Variants in MCTP2 observed in about 807,000 individuals in gnomAD.
The protein encoded by MCTP2 is multiple C2 and transmembrane domain containing 2, also known as multiple C2 and transmembrane domain-containing protein 2.
In MCTP2, 132 loss-of-function variants were observed where a neutral mutation model predicts 111.6. That is an observed-to-expected ratio of 1.18 (90% CI 1.03 to 1.37). The LOEUF is 1.37. MCTP2 is among the 40% of genes most tolerant of loss of function. The pLI is 0.00. For missense variants in MCTP2, 1,183 were observed against 1,067.9 expected, an observed-to-expected ratio of 1.11 and a Z score of -1.50; for synonymous variants, 395 against 387.7, an observed-to-expected ratio of 1.02 and a Z score of -0.22.
intron 2 of MCTP2, among the ~76,000 whole-genome samples, chr15:94,301,646 G>A (rs1347895697): frequency 6.6e-6 from 1 of 152,128 alleles, no homozygotes; most frequent in Non-Finnish European, 1.5e-5. Context: ...TGTGCATTCA[G>A]GTTACTTGGG....
intron 4 of MCTP2, among the ~76,000 whole-genome samples, chr15:94,336,567 G>A (rs770366267): frequency 4.6e-5 from 7 of 152,030 alleles, no homozygotes; most frequent in Non-Finnish European, 8.8e-5. Flanking sequence ...ATGATGACCC[G>A]TAGTGTCAGT....
At chr15:94,243,899 A>T (rs1188767985) in intron 1 of MCTP2, among the ~76,000 whole-genome samples, 1 of 142,364 alleles carries the variant, frequency 7.0e-6, no homozygotes, top group African/African-American at 2.5e-5. Flanking sequence ...ATATATGTAT[A>T]CACATACATA....
intron 1 of MCTP2, among the ~76,000 whole-genome samples, chr15:94,276,947 CAAAAAA>C (rs71132999): frequency 3.4e-5 from 4 of 118,782 alleles, no homozygotes; most frequent in South Asian, 2.7e-4. Context: ...GTTGGAAGCC[CAAAAAA>C]AAAAAAAAAA....
At position 94,390,110 on chromosome 15, in the gene MCTP2, A is replaced by G. The variant is rs1419144573; in HGVS notation, c.1788+4585A>G. 4.4e-3 allele frequency among the ~76,000 whole-genome samples: 143 copies of G among 32,488 alleles called. 2 individuals carry two copies. The highest frequency in any genetic ancestry group is 9.3e-3 in the African/African-American group (120 of 12,876). The allele number at this position is 32,488 out of a possible 152,430, so 21.3% of individuals were successfully genotyped here. A position where few individuals can be genotyped will look rare whatever the true frequency, so the allele number is the denominator to read the frequency against. The stretch of plus-strand genomic sequence containing the variant: ...TATATGTATATATATATATATATAT[A>G]TATGTATATATATATATATATACTT... On this transcript the variant is annotated intron_variant, in intron 14 of 22. Transcript: ENST00000357742.
chr15:94,269,091 A>G (rs923007016), intron 1 of MCTP2, among the ~76,000 whole-genome samples: 1 of 152,184 alleles, frequency 6.6e-6, no homozygotes, highest in Non-Finnish European at 1.5e-5. Context: ...TGCTCCAACA[A>G]TGTTCATTTG....
chr15:94,383,057 TTTTGTTA>T (rs1320330751), intron 12 of MCTP2, among the ~76,000 whole-genome samples: 2 of 152,238 alleles, frequency 1.3e-5, no homozygotes, highest in Non-Finnish European at 2.9e-5. Flanking sequence ...CTTAATTTTT[TTTTGTTA>T]AGTTAAAAAC....
At chr15:94,394,780 A>T (rs1042218898) in intron 14 of MCTP2, among the ~76,000 whole-genome samples, 2 of 152,216 alleles carry the variant, frequency 1.3e-5, no homozygotes, top group African/African-American at 4.8e-5. Flanking sequence ...AAGAAAAAAA[A>T]AAGTTATATT....
rs2073750445 is a variant in MCTP2, at chr15:94,268,849, T to C, written c.-65-29352T>C. Among the ~76,000 whole-genome samples, 4 of 151,960 alleles carry C rather than the reference T, an allele frequency of 2.6e-5. No homozygotes were observed. The South Asian group carries it at 6.2e-4, about 24-fold the overall frequency. ...ATGACTACTTTTTAAGTGATTCTTA[T>C]TTTTAATCTTTTTGTATATTATTGG... On this transcript the variant is annotated intron_variant, in intron 1 of 22. Coordinates refer to ENST00000357742, the MANE Select transcript of MCTP2 (RefSeq NM_001385001.1).
chr15:94,433,429 G>A (rs2083296273), intron 17 of MCTP2, among the ~76,000 whole-genome samples: 1 of 152,110 alleles, frequency 6.6e-6, no homozygotes, highest in African/African-American at 2.4e-5. Context: ...TGGTGCCAGA[G>A]AAACCAAGCT....
At position 94,351,709 on chromosome 15, in the gene MCTP2, C is replaced by G. The variant is rs183980636; in HGVS notation, c.1006-4428C>G. ...GGTCAGTGCCTTTTCTTACTTCTCT[C>G]TTTGTTGGTTGGCTGATTGGTATTG... On this transcript the variant is annotated intron_variant, in intron 8 of 22. Coordinates refer to ENST00000357742, the MANE Select transcript of MCTP2 (RefSeq NM_001385001.1). 2.8e-4 allele frequency among the ~76,000 whole-genome samples: 42 copies of G among 152,298 alleles called. 2 individuals are homozygous for G. Among genetic ancestry groups the G allele is most frequent in the Admixed American group, 2.2e-3 (33 of 15,304 alleles).
chr15:94,330,184 G>C (rs952519024), intron 4 of MCTP2, among the ~76,000 whole-genome samples: 1 of 152,166 alleles, frequency 6.6e-6, no homozygotes, highest in African/African-American at 2.4e-5. Flanking sequence ...GCAGTGTAAA[G>C]CATGTCTATC....
intron 1 of MCTP2, among the ~76,000 whole-genome samples, chr15:94,286,758 T>A (rs2152319627): frequency 6.6e-6 from 1 of 152,326 alleles, no homozygotes; most frequent in South Asian, 2.1e-4. Context: ...CTGGGGAGGA[T>A]GTCTGGCTTA....
intron 21 of MCTP2, 103 bp downstream of exon 21, chr15:94,470,545 A>G (rs1442204717): frequency 1.1e-6 from 1 of 900,580 alleles, no homozygotes; most frequent in Non-Finnish European, 1.8e-6. Flanking sequence ...CTTGTTGGCA[A>G]TTAAACATGA....
intron 2 of MCTP2, among the ~76,000 whole-genome samples, chr15:94,305,915 A>T (rs981137254): frequency 2.6e-4 from 40 of 152,216 alleles, no homozygotes; most frequent in African/African-American, 9.2e-4. Context: ...TTTCTCCTCT[A>T]GTCAGCACTC....
At chr15:94,390,132 A>ATGTATATATATATATATATATATG (rs1358369611) in intron 14 of MCTP2, among the ~76,000 whole-genome samples, 2 of 90,480 alleles carry the variant, frequency 2.2e-5, no homozygotes, top group African/African-American at 7.6e-5. Flanking sequence ...ATATATATAT[A>ATGTATATATATATATATATATATG]CTTAGATGTT....
intron 17 of MCTP2, among the ~76,000 whole-genome samples, chr15:94,421,737 A>G (rs894128217): frequency 5.3e-5 from 8 of 152,092 alleles, no homozygotes; most frequent in African/African-American, 1.9e-4. Flanking sequence ...TATTTGTCCC[A>G]CTCAGGTAAT....
At chr15:94,356,087 T>C (rs1181443631) in intron 8 of MCTP2, 50 bp from the exon 9 acceptor site, 1 of 1,408,762 alleles carries the variant, frequency 7.1e-7, no homozygotes, top group East Asian at 2.7e-5. Flanking sequence ...TCAAAGTCAC[T>C]CTCAGGAATT....
chr15:94,288,915 T>A (rs8035826), intron 1 of MCTP2, among the ~76,000 whole-genome samples: 2 of 151,946 alleles, frequency 1.3e-5, no homozygotes, highest in South Asian at 2.1e-4. Context: ...AATAGCAGAC[T>A]GGGGATGACA....
chr15:94,298,853 T>C (rs1165910349), intron 2 of MCTP2, 123 bp downstream of exon 2: 19 of 245,984 alleles, frequency 7.7e-5, no homozygotes, highest in Middle Eastern at 1.1e-3. Flanking sequence ...TCTTCCCCCC[T>C]CCCCCTCCCT....
Sources: gnomAD v4.1 joint callset for allele counts (sites outside exome capture counted in the v4.1 genomes callset) on GRCh38, gnomAD v4.1.1 for gene constraint, MANE v1.5 for transcripts, NCBI Gene and HGNC (gene_info 2026-07-23, HGNC 2026-07-21) for gene names.